Variants in NUP214 observed in about 807,000 individuals in gnomAD.
The protein encoded by NUP214 is nucleoporin 214.
Under a neutral mutation model 196.2 loss-of-function variants are expected in NUP214, and 79 were observed. That is an observed-to-expected ratio of 0.40 (90% confidence interval 0.34 to 0.49). NUP214 has a LOEUF of 0.49. Ranked by LOEUF, NUP214 falls within the 20% of genes least tolerant of loss-of-function variation. The pLI, the probability that NUP214 is intolerant of heterozygous loss-of-function variation, is 0.58. For synonymous variants in NUP214, 1,020 were observed against 990.5 expected (o/e 1.03, Z -0.56); for missense variants, 2,468 against 2,539.0 (o/e 0.97, Z 0.60).
intron 23 of NUP214, among the ~76,000 whole-genome samples, chr9:131,177,211 T>C (rs1285181714): frequency 6.6e-6 from 1 of 152,260 alleles, no homozygotes; most frequent in South Asian, 2.1e-4. Flanking sequence ...AATTCAAATA[T>C]TAAAACCTTT....
rs1183907172 is a variant in NUP214, at chr9:131,128,312, G to A, written c.242-20G>A. The A allele has an allele frequency of 3.1e-6, 5 of 1,601,726 alleles. No homozygotes were observed. The highest frequency in any genetic ancestry group is 1.7e-5 in the Admixed American group (1 of 58,700). ...CTTAGAACATACCGTTTTCTGCTTT[G>A]TATTTTTTTGTTTTCATAGTTGATA... On this transcript the variant is annotated intron_variant, in intron 2 of 35. Transcript: ENST00000359428.
intron 21 of NUP214, 135 bp from the exon 22 acceptor site, chr9:131,173,920 C>T: frequency 8.6e-7 from 1 of 1,159,890 alleles, no homozygotes; most frequent in Non-Finnish European, 1.2e-6. Flanking sequence ...ACAATACCTG[C>T]TCCCACTTAA....
intron 24 of NUP214, among the ~76,000 whole-genome samples, chr9:131,182,048 A>C: frequency 6.6e-6 from 1 of 152,232 alleles, no homozygotes; most frequent in Admixed American, 6.5e-5. Context: ...TTGTCCCAGC[A>C]CCACAACATA....
In NUP214 at chr9:131,197,269, G is replaced by A. The variant is rs754910008; in HGVS notation, c.3775G>A (p.Gly1259Arg). 7 of 1,614,098 alleles carry A rather than the reference G, an allele frequency of 4.3e-6. No individual in the cohort carries two copies. The highest frequency in any genetic ancestry group is 5.9e-6 in the Non-Finnish European group (7 of 1,180,010). The change falls in exon 29 of 36, where the codon GGG (glycine) becomes AGG (arginine). Residue 1259 changes from glycine to arginine, a missense_variant. Transcript: ENST00000359428. ...CCAGCCGGACGCATTCTCATCTGGT[G>A]GGGGAAGCAAACCTTCTTATGAGGC... ...SSQPDAFSSG[G>R]GSKPSYEAIP...
intron 30 of NUP214, among the ~76,000 whole-genome samples, chr9:131,213,139 C>A (rs1834292085): frequency 6.6e-6 from 1 of 150,910 alleles, no homozygotes; most frequent in South Asian, 2.1e-4. Context: ...TGTTAGTGAT[C>A]TACTTCATTT....
intron 24 of NUP214, 73 bp from the exon 25 acceptor site, chr9:131,187,216 G>GTTGGC (rs1833474763): frequency 7.6e-7 from 1 of 1,323,352 alleles, no homozygotes; most frequent in African/African-American, 1.5e-5. Flanking sequence ...TGGACAGAAG[G>GTTGGC]TTGGCTTGAG....
intron 30 of NUP214, among the ~76,000 whole-genome samples, chr9:131,209,239 G>A (rs868185140): frequency 4.1e-4 from 62 of 152,096 alleles, no homozygotes; most frequent in Middle Eastern, 3.4e-3. Context: ...TTGGCTGGGC[G>A]TGGCAGTGCA....
At chr9:131,149,706 G>T (rs1832195145) in intron 14 of NUP214, among the ~76,000 whole-genome samples, 1 of 152,110 alleles carries the variant, frequency 6.6e-6, no homozygotes, top group Non-Finnish European at 1.5e-5. Flanking sequence ...AACACCAGTA[G>T]TAGCTTTCCA....
intron 30 of NUP214, among the ~76,000 whole-genome samples, chr9:131,209,790 C>G (rs1178842346): frequency 6.6e-6 from 1 of 152,318 alleles, no homozygotes; most frequent in Admixed American, 6.5e-5. Flanking sequence ...CAGCTCTCCC[C>G]CGCTAATCCT....
chr9:131,204,060 A>G (rs1171578997), intron 30 of NUP214, among the ~76,000 whole-genome samples: 2 of 152,136 alleles, frequency 1.3e-5, no homozygotes, highest in Non-Finnish European at 2.9e-5. Flanking sequence ...CCTGAAGGAA[A>G]GGAACTTTAC....
chr9:131,135,828 A>G (rs879904625), intron 8 of NUP214, 112 bp from the exon 9 acceptor site: 7 of 728,684 alleles, frequency 9.6e-6, no homozygotes, highest in Middle Eastern at 2.5e-4. Flanking sequence ...AAAAAACCTT[A>G]CTCTCTCTTT....
rs3057295 is a variant in NUP214 at position 131,141,478 on chromosome 9, C to CTTTT, written c.1294+785_1294+788dup. Among the ~76,000 whole-genome samples, 851 of 118,676 alleles carry CTTTT rather than the reference C, an allele frequency of 7.2e-3. 15 individuals are homozygous for CTTTT. The highest frequency in any genetic ancestry group is 0.017 in the South Asian group (59 of 3,520). The allele number at this position is 118,676 out of a possible 152,430, so 77.9% of individuals were successfully genotyped here. ...CATTTGTATCACTTGTGAAAAGAAACTTTTTTTTTTTTTTTTTTTTGTGGA... is the reference window on the plus strand; with the variant it reads ...CATTTGTATCACTTGTGAAAAGAAACTTTTTTTTTTTTTTTTTTTTTTTTGTGGA... On this transcript the variant is annotated intron_variant, in intron 11 of 35. Transcript: ENST00000359428.
chr9:131,197,230 A>G lies in NUP214; in HGVS notation c.3736A>G (p.Thr1246Ala). The G allele has an allele frequency of 6.2e-7, 1 of 1,614,154 alleles. No individual in the cohort carries two copies. The highest frequency in any genetic ancestry group is 8.5e-7 in the Non-Finnish European group (1 of 1,179,986). Residue 1246 changes from threonine to alanine, a missense_variant, in exon 29 of 36, where the codon ACT (threonine) becomes GCT (alanine). Physicochemically the swap from Thr to Ala is moderately conservative, Grantham distance 58 (BLOSUM62 0). This residue lies in a region of NUP214 where 1,801 missense variants were observed against 1,779.4 expected (regional missense o/e 1.01). Transcript: ENST00000359428. Reference sequence around the variant, plus strand: ...TTTCTTGCTAGGGGCAACACCCTCCACTAAAGAGTCAAGCCAGCCGGACGC... The same window carrying G: ...TTTCTTGCTAGGGGCAACACCCTCCGCTAAAGAGTCAAGCCAGCCGGACGC... ...FTAAQGATPS[T>A]KESSQPDAFS... is the part of the protein sequence containing the mutation.
Position 131,197,975 on chromosome 9 carries a change from A to C in NUP214, c.4481A>C (p.Glu1494Ala), listed in dbSNP as rs1833839012. The stretch of plus-strand genomic sequence containing the variant: ...CCTATGTCCGCTGGCAGAAGCACAG[A>C]AGAGGCCACTTCATCAGCTTTGCCT... The part of the protein sequence containing the change: ...SLPMSAGRST[E>A]EATSSALPEK... The change falls in exon 29 of 36, where the codon GAA (glutamate) becomes GCA (alanine). Residue 1494 changes from glutamate (E) to alanine (A), a missense_variant. This residue lies in a region of NUP214 where 1,801 missense variants were observed against 1,779.4 expected (regional missense o/e 1.01). Transcript: ENST00000359428. 1 of 1,614,222 alleles carries C rather than the reference A, an allele frequency of 6.2e-7. No individual in the cohort carries two copies. The highest frequency in any genetic ancestry group is 1.7e-5 in the Admixed American group (1 of 60,034).
chr9:131,229,733 G>A (rs1309229248), intron 33 of NUP214: 2 of 518,884 alleles, frequency 3.9e-6, no homozygotes, highest in Non-Finnish European at 7.7e-6. Context: ...GGCAGGAGGA[G>A]GAAGGGAGCA....
chr9:131,215,128 G>T, intron 30 of NUP214, 84 bp from the exon 31 acceptor site: 1 of 1,287,676 alleles, frequency 7.8e-7, no homozygotes, highest in South Asian at 1.9e-5. Flanking sequence ...TGCCAGCTGT[G>T]AGCACCTCCT....
In NUP214 at chr9:131,164,137, T is replaced by G; in HGVS notation, c.2886T>G (p.Thr962=). 4 of 1,614,106 alleles carry G rather than the reference T, an allele frequency of 2.5e-6. No individual in the cohort carries two copies. Among genetic ancestry groups the G allele is most frequent in the Non-Finnish European group, 3.4e-6 (4 of 1,179,980 alleles). ...AKRKTPPVRS[T]APASLSRSAF... Reference sequence around the variant, plus strand: ...GGAAGACCCCACCAGTGAGATCCACTGCTCCAGGTAAAGAGAACCAGTAAC... The same window carrying G: ...GGAAGACCCCACCAGTGAGATCCACGGCTCCAGGTAAAGAGAACCAGTAAC... The change falls in exon 21 of 36, where the codon ACT becomes ACG. Residue 962 remains threonine (T), a synonymous_variant. Coordinates refer to ENST00000359428, the MANE Select transcript of NUP214 (RefSeq NM_005085.4).
chr9:131,177,514 GA>G (rs1833151479), intron 23 of NUP214, among the ~76,000 whole-genome samples: 1 of 152,164 alleles, frequency 6.6e-6, no homozygotes, highest in East Asian at 1.9e-4. Flanking sequence ...TATGAAATAT[GA>G]AAGATGTGCA....
chr9:131,149,686 A>G (rs1174162431), intron 14 of NUP214, among the ~76,000 whole-genome samples: 1 of 151,748 alleles, frequency 6.6e-6, no homozygotes, highest in Admixed American at 6.6e-5. Flanking sequence ...GGAGATTTAA[A>G]CTCTTGTAAA....
Sources: allele counts gnomAD v4.1 joint callset (sites outside exome capture counted in the v4.1 genomes callset), GRCh38; gene constraint gnomAD v4.1.1; regional missense constraint gnomAD v4.1.1; transcripts MANE v1.5; gene names NCBI Gene and HGNC (gene_info 2026-07-23, HGNC 2026-07-21).